Variants in REDIC1 observed in about 807,000 individuals in gnomAD.
REDIC1 encodes regulator of DNA class I crossover intermediates 1.
chr12:39,895,969 T>C, the REDIC1 span, among the ~76,000 whole-genome samples: 148 of 145,120 alleles, frequency 1.0e-3, 1 homozygote, highest in Non-Finnish European at 1.7e-3. Context: ...TATATACATG[T>C]GTATATGTAT....
At chr12:39,628,167 T>C in the REDIC1 span, among the ~76,000 whole-genome samples, 11 of 152,292 alleles carry the variant, frequency 7.2e-5, no homozygotes, top group Non-Finnish European at 1.6e-4. Context: ...TGATCAACTT[T>C]CACACAAACA....
chr12:39,859,422 C>T, the REDIC1 span, among the ~76,000 whole-genome samples: 47 of 145,160 alleles, frequency 3.2e-4, no homozygotes, highest in South Asian at 2.7e-3. Context: ...TTCAAAACAA[C>T]ATGCCACTGT....
the REDIC1 span, among the ~76,000 whole-genome samples, chr12:39,830,944 C>T: frequency 5.3e-5 from 8 of 152,198 alleles, no homozygotes; most frequent in Non-Finnish European, 1.0e-4. Flanking sequence ...GCTCATTTGA[C>T]AGCAGTATTC....
At chr12:39,871,431 A>G in the REDIC1 span, among the ~76,000 whole-genome samples, 1 of 152,100 alleles carries the variant, frequency 6.6e-6, no homozygotes, top group Admixed American at 6.5e-5. Flanking sequence ...TTAAAAATAT[A>G]TGTTAAAAAG....
chr12:39,721,104 G>A, the REDIC1 span: 1 of 1,613,726 alleles, frequency 6.2e-7, no homozygotes, highest in African/African-American at 1.3e-5. Flanking sequence ...AATCTGTAAT[G>A]GAGGAAAAAT....
At chr12:39,712,167 T>TGTATATATACCTGTATGTATATGTACAC in the REDIC1 span, among the ~76,000 whole-genome samples, 4 of 143,864 alleles carry the variant, frequency 2.8e-5, no homozygotes, top group Admixed American at 6.9e-5. Context: ...TATATGTACA[T>TGTATATATACCTGTATGTATATGTACAC]GTATATATAC....
the REDIC1 span, among the ~76,000 whole-genome samples, chr12:39,863,280 G>A: frequency 6.6e-6 from 1 of 152,026 alleles, no homozygotes; most frequent in East Asian, 1.9e-4. Flanking sequence ...ATATACTTGG[G>A]CAATAAATAT....
At chr12:39,716,662 AT>A in the REDIC1 span, 2 of 874,574 alleles carry the variant, frequency 2.3e-6, no homozygotes, top group Admixed American at 5.6e-5. Flanking sequence ...TGTTAGCTAA[AT>A]TTGTTTTACC....
the REDIC1 span, among the ~76,000 whole-genome samples, chr12:39,885,215 C>T: frequency 6.6e-6 from 1 of 152,194 alleles, no homozygotes; most frequent in African/African-American, 2.4e-5. Flanking sequence ...GCCAACAGGA[C>T]TGCCAGTACC....
At chr12:39,895,917 CATATATGTGTATATGTGTATAT>C in the REDIC1 span, among the ~76,000 whole-genome samples, 3 of 142,108 alleles carry the variant, frequency 2.1e-5, no homozygotes, top group East Asian at 6.2e-4. Context: ...TATATGTATG[CATATATGTGTATATGTGTATAT>C]ATACATGCGT....
At chr12:39,881,320 G>A in the REDIC1 span, among the ~76,000 whole-genome samples, 2 of 151,418 alleles carry the variant, frequency 1.3e-5, no homozygotes, top group African/African-American at 4.9e-5. Context: ...TATGAGTGTG[G>A]TTTATGTTAA....
chr12:39,832,259 A>T, the REDIC1 span, among the ~76,000 whole-genome samples: 4 of 152,256 alleles, frequency 2.6e-5, no homozygotes, highest in African/African-American at 9.6e-5. Flanking sequence ...GATAATTTCT[A>T]CTAGTATTTT....
chr12:39,747,728 T>C, the REDIC1 span, among the ~76,000 whole-genome samples: 1 of 152,184 alleles, frequency 6.6e-6, no homozygotes, highest in Non-Finnish European at 1.5e-5. Context: ...CAGCTGATCT[T>C]TCAGCAGAAA....
the REDIC1 span, among the ~76,000 whole-genome samples, chr12:39,673,252 G>T: frequency 1.3e-5 from 2 of 151,944 alleles, no homozygotes; most frequent in South Asian, 4.2e-4. Context: ...TTGATTCTTT[G>T]TGGAAAAGTG....
At chr12:39,747,569 C>T in the REDIC1 span, among the ~76,000 whole-genome samples, 1 of 152,268 alleles carries the variant, frequency 6.6e-6, no homozygotes, top group Admixed American at 6.5e-5. Flanking sequence ...TCAGGAAATA[C>T]AGAGAACGCC....
the REDIC1 span, among the ~76,000 whole-genome samples, chr12:39,776,102 G>A: frequency 6.6e-6 from 1 of 152,150 alleles, no homozygotes; most frequent in Non-Finnish European, 1.5e-5. Flanking sequence ...CTTCCATATT[G>A]CTGTTCCCCC....
At chr12:39,653,351 ATTTT>A in the REDIC1 span, among the ~76,000 whole-genome samples, 6 of 151,938 alleles carry the variant, frequency 3.9e-5, no homozygotes, top group East Asian at 1.2e-3. Flanking sequence ...AATACGATTA[ATTTT>A]TGTATATGAA....
chr12:39,815,397 TC>T, the REDIC1 span, among the ~76,000 whole-genome samples: 1 of 152,188 alleles, frequency 6.6e-6, no homozygotes, highest in East Asian at 1.9e-4. Flanking sequence ...TGATATAAAA[TC>T]ATTTGGAAGA....
At chr12:39,797,765 C>CAT in the REDIC1 span, among the ~76,000 whole-genome samples, 716 of 152,132 alleles carry the variant, frequency 4.7e-3, 18 homozygotes, top group Non-Finnish European at 1.3e-3. Flanking sequence ...CACACACACA[C>CAT]ACACACACAC....
Sources: allele counts gnomAD v4.1 joint callset (sites outside exome capture counted in the v4.1 genomes callset), GRCh38; gene constraint gnomAD v4.1.1; transcripts MANE v1.5; gene names NCBI Gene and HGNC (gene_info 2026-07-23, HGNC 2026-07-21).